The following RASSF3 variants were observed in gnomAD, a reference collection of about 807,000 sequenced individuals.
The protein encoded by RASSF3 is Ras association domain family member 3.
RASSF3 carries 19 observed loss-of-function variants against 19.9 expected under a neutral mutation model. The ratio of observed to expected loss-of-function variants is 0.96; its 90% CI spans 0.67 to 1.40. RASSF3 has a LOEUF of 1.40. Among genes scored for constraint, RASSF3 ranks in the 40% most tolerant of loss-of-function variants. The probability of loss-of-function intolerance (pLI) is 0.00; values close to 1 mark genes in which losing one functional copy is unlikely to be tolerated. For synonymous variants in RASSF3, 110 were observed against 104.2 expected, an observed-to-expected ratio of 1.06 and a Z score of -0.34; for missense variants, 306 against 289.8, an observed-to-expected ratio of 1.06 and a Z score of -0.41.
chr12:64,635,027 G>A (rs1392804663), intron 1 of RASSF3, among the ~76,000 whole-genome samples: 1 of 147,078 alleles, frequency 6.8e-6, no homozygotes, highest in Non-Finnish European at 1.5e-5. Context: ...ATACAGTGGT[G>A]CAGTCTTGGC....
chr12:64,593,518 G>A (rs898587230), intron 2 of RASSF3, among the ~76,000 whole-genome samples: 10 of 149,326 alleles, frequency 6.7e-5, no homozygotes, highest in African/African-American at 2.5e-4. Context: ...GTGCCTGGCT[G>A]AAGTTGTGTT....
chr12:64,536,144 A>G (rs1307353611), intron 1 of RASSF3, among the ~76,000 whole-genome samples: 1 of 151,698 alleles, frequency 6.6e-6, no homozygotes, highest in Non-Finnish European at 1.5e-5. Flanking sequence ...GACTATAGGC[A>G]CCCACCACCA....
chr12:64,652,623 T>A (rs1000909293), intron 1 of RASSF3, among the ~76,000 whole-genome samples: 1 of 152,180 alleles, frequency 6.6e-6, no homozygotes, highest in Non-Finnish European at 1.5e-5. Context: ...GAGTGTCCAA[T>A]CCAGAGATGA....
At chr12:64,692,094 G>A (rs1262555159) in intron 4 of RASSF3, among the ~76,000 whole-genome samples, 1 of 152,012 alleles carries the variant, frequency 6.6e-6, no homozygotes, top group Non-Finnish European at 1.5e-5. Context: ...ATGTTTCCAT[G>A]TGCATCATTT....
intron 2 of RASSF3, among the ~76,000 whole-genome samples, chr12:64,580,697 G>A (rs1869680573): frequency 1.3e-5 from 2 of 151,808 alleles, no homozygotes; most frequent in South Asian, 4.2e-4. Context: ...GCAACTCTGG[G>A]TAGAATCCTT....
At chr12:64,616,980 A>G (rs114732161) in intron 1 of RASSF3, among the ~76,000 whole-genome samples, 1,920 of 152,280 alleles carry the variant, frequency 0.013, 37 homozygotes, top group African/African-American at 0.044. Flanking sequence ...ATAATTTATC[A>G]TTATATTTTG....
chr12:64,675,609 G>GCC (rs1872868236), intron 1 of RASSF3, among the ~76,000 whole-genome samples: 1 of 151,986 alleles, frequency 6.6e-6, no homozygotes, highest in East Asian at 1.9e-4. Flanking sequence ...GGAAAGCATG[G>GCC]CCCCCCGCTG....
chr12:64,607,869 AC>A (rs1050856710), upstream of RASSF3, among the ~76,000 whole-genome samples: 2 of 151,870 alleles, frequency 1.3e-5, no homozygotes, highest in African/African-American at 2.4e-5. Context: ...TGATCCTTCC[AC>A]CTAGCCTCCT....
chr12:64,660,046 G>GTA (rs10680088), intron 1 of RASSF3, among the ~76,000 whole-genome samples: 32 of 47,142 alleles, frequency 6.8e-4, no homozygotes, highest in Admixed American at 3.2e-3. Flanking sequence ...ATATATGTGT[G>GTA]TGTATGTATA....
At chr12:64,678,665 A>AAAAAAC (rs61660274) in intron 1 of RASSF3, among the ~76,000 whole-genome samples, 2 of 146,840 alleles carry the variant, frequency 1.4e-5, no homozygotes, top group Admixed American at 1.4e-4. Context: ...AAAAAAAAAA[A>AAAAAAC]CCAAACAAAA....
chr12:64,576,970 T>C (rs530774507), intron 2 of RASSF3, among the ~76,000 whole-genome samples: 121 of 151,652 alleles, frequency 8.0e-4, no homozygotes, highest in Non-Finnish European at 1.3e-3. Flanking sequence ...AAAATATGAG[T>C]GCATCAGGCC....
At chr12:64,595,685 C>A (rs530588976) in intron 2 of RASSF3, among the ~76,000 whole-genome samples, 44 of 152,300 alleles carry the variant, frequency 2.9e-4, no homozygotes, top group African/African-American at 8.9e-4. Flanking sequence ...ATCACAGGAA[C>A]CTTGCAAGCT....
At chr12:64,657,870 T>G (rs1872214732) in intron 1 of RASSF3, among the ~76,000 whole-genome samples, 1 of 152,042 alleles carries the variant, frequency 6.6e-6, no homozygotes, top group Non-Finnish European at 1.5e-5. Flanking sequence ...TCACTTGAGC[T>G]CAAGGAGTTC....
At chr12:64,586,274 A>C (rs1309794732) in intron 2 of RASSF3, among the ~76,000 whole-genome samples, 1 of 150,352 alleles carries the variant, frequency 6.7e-6, no homozygotes, top group Non-Finnish European at 1.5e-5. Context: ...CAGTGAGCCG[A>C]GATTGCACCT....
chr12:64,535,995 CTTTTT>C (rs11312626), intron 1 of RASSF3, among the ~76,000 whole-genome samples: 10 of 104,496 alleles, frequency 9.6e-5, no homozygotes, highest in Admixed American at 1.1e-4. Context: ...CCTGTTTTCA[CTTTTT>C]TTTTTTTTTT....
chr12:64,661,677 C>CTTTTTTTTTTT (rs71092993), intron 1 of RASSF3, among the ~76,000 whole-genome samples: 53 of 78,906 alleles, frequency 6.7e-4, no homozygotes, highest in Non-Finnish European at 8.6e-4. Context: ...TTTTCTTTTT[C>CTTTTTTTTTTT]TTTTTTTTTT....
At chr12:64,610,233 C>G (rs1870287628), upstream of RASSF3, among the ~76,000 whole-genome samples, 1 of 152,198 alleles carries the variant, frequency 6.6e-6, no homozygotes, top group African/African-American at 2.4e-5. Context: ...GGAAGCGACC[C>G]GAGCACAGCC....
At chr12:64,687,882 T>G (rs1454816657) in intron 2 of RASSF3, among the ~76,000 whole-genome samples, 3 of 152,198 alleles carry the variant, frequency 2.0e-5, no homozygotes, top group Non-Finnish European at 4.4e-5. Flanking sequence ...GGCTAGCATC[T>G]GCTCCGTTGG....
chr12:64,570,690 C>T (rs1869503283), intron 2 of RASSF3, among the ~76,000 whole-genome samples: 1 of 152,144 alleles, frequency 6.6e-6, no homozygotes. Context: ...TGCGTTTCCC[C>T]CACCCCATCC....
Sources: gnomAD v4.1 joint callset for allele counts (sites outside exome capture counted in the v4.1 genomes callset) on GRCh38, gnomAD v4.1.1 for gene constraint, MANE v1.5 for transcripts, NCBI Gene and HGNC (gene_info 2026-07-23, HGNC 2026-07-21) for gene names.